The following CBFA2T3 variants were observed in gnomAD, a reference collection of about 807,000 sequenced individuals.
CBFA2T3 encodes CBFA2/RUNX1 partner transcriptional co-repressor 3.
Under a neutral mutation model 58.6 loss-of-function variants are expected in CBFA2T3, and 31 were observed. The ratio of observed to expected loss-of-function variants is 0.53; its 90% CI spans 0.40 to 0.71. CBFA2T3 has a LOEUF of 0.71. CBFA2T3 is among the 30% of genes least tolerant of loss of function. CBFA2T3 has a pLI of 0.00. For synonymous variants in CBFA2T3, 531 were observed against 421.9 expected, an observed-to-expected ratio of 1.26 and a Z score of -3.17; for missense variants, 1,076 against 963.1, an observed-to-expected ratio of 1.12 and a Z score of -1.55.
At chr16:88,899,793 T>C (rs1970030003) in intron 2 of CBFA2T3, among the ~76,000 whole-genome samples, 1 of 152,214 alleles carries the variant, frequency 6.6e-6, no homozygotes, top group African/African-American at 2.4e-5. Flanking sequence ...TTTTAGGCAC[T>C]GCGCCCATGG....
intron 1 of CBFA2T3, among the ~76,000 whole-genome samples, chr16:88,956,364 C>G (rs981438853): frequency 1.3e-5 from 2 of 152,282 alleles, no homozygotes; most frequent in African/African-American, 4.8e-5. Flanking sequence ...CCCCGGGACA[C>G]AGCGTGTCCG....
rs202059577 is a variant in CBFA2T3 at position 88,894,478 on chromosome 16, GCA to G, written c.380-1995_380-1994del. Among the ~76,000 whole-genome samples the G allele has an allele frequency of 5.0e-3, 554 of 110,276 alleles. 67 individuals are homozygous for G. Among genetic ancestry groups the G allele is most frequent in the East Asian group, 0.029 (75 of 2,630 alleles). The allele number at this position is 110,276 out of a possible 152,430, so 72.3% of individuals were successfully genotyped here. ...CGCACACATGCATACATATACACAT[GCA>G]CACAATGTACACACATGCACACACA... On this transcript the variant is annotated intron_variant, in intron 3 of 11. Transcript: ENST00000268679.
At chr16:88,934,137 G>A (rs1971411945) in intron 1 of CBFA2T3, among the ~76,000 whole-genome samples, 2 of 152,222 alleles carry the variant, frequency 1.3e-5, no homozygotes. Flanking sequence ...AAGCTCCCTT[G>A]GGAGAGGCCG....
intron 1 of CBFA2T3, among the ~76,000 whole-genome samples, chr16:88,963,297 G>A (rs1166411502): frequency 1.4e-4 from 21 of 150,820 alleles, no homozygotes; most frequent in Non-Finnish European, 4.4e-5. Flanking sequence ...AGGGGTGGGC[G>A]CTCATCTTCT....
At chr16:88,972,595 G>A (rs1972682166) in intron 1 of CBFA2T3, among the ~76,000 whole-genome samples, 1 of 152,178 alleles carries the variant, frequency 6.6e-6, no homozygotes, top group Non-Finnish European at 1.5e-5. Flanking sequence ...GCTTCCCTCC[G>A]AGCCTGGGGC....
At chr16:88,880,428 C>T (rs1049246534) in intron 10 of CBFA2T3, among the ~76,000 whole-genome samples, 3 of 152,252 alleles carry the variant, frequency 2.0e-5, no homozygotes, top group African/African-American at 4.8e-5. Flanking sequence ...CGCGCCCAGG[C>T]TCCGAGTGTG....
chr16:88,928,024 G>A (rs1417317961), intron 1 of CBFA2T3, among the ~76,000 whole-genome samples: 3 of 152,286 alleles, frequency 2.0e-5, no homozygotes, highest in Non-Finnish European at 2.9e-5. Flanking sequence ...GGCACCCACC[G>A]CTGCTGACCG....
intron 1 of CBFA2T3, among the ~76,000 whole-genome samples, chr16:88,954,491 C>T (rs951696663): frequency 6.5e-5 from 9 of 138,342 alleles, no homozygotes; most frequent in African/African-American, 2.2e-4. Context: ...GGCTCCTGAC[C>T]CCGCCCAAGG....
rs761257705 is a variant in CBFA2T3 at position 88,972,818 on chromosome 16, C to T, written c.151+3839G>A. Among the ~76,000 whole-genome samples the T allele has an allele frequency of 2.8e-4, 42 of 152,164 alleles. 1 individual carries two copies. The highest frequency in any genetic ancestry group is 2.1e-4 in the South Asian group (1 of 4,822). ...GGTCAACAAAAGGGGGGACAGGAGG[C>T]GGGAGGTGAGGTCTGAGGGTGCTGG... is the stretch of plus-strand genomic sequence containing the variant. On this transcript the variant is annotated intron_variant, in intron 1 of 11. Transcript: ENST00000268679.
In CBFA2T3 at chr16:88,882,733, C is replaced by T. The variant is rs1969178703; in HGVS notation, c.1146G>A (p.Val382=). Residue 382 remains valine (V), a synonymous_variant, in exon 8 of 12, where the codon GTG becomes GTA. Transcript: ENST00000268679. The part of the protein sequence containing the change: ...LVVPGSRQEE[V]IDHKLTEREW... ...CACGCTCTGTGAGCTTGTGGTCGAT[C>T]ACTTCTTCCTGCCGGGACCCAGGCA... The T allele has an allele frequency of 6.3e-7, 1 of 1,588,360 alleles. No homozygotes were observed.
intron 1 of CBFA2T3, among the ~76,000 whole-genome samples, chr16:88,967,637 G>A (rs1246380871): frequency 6.6e-6 from 1 of 152,088 alleles, no homozygotes; most frequent in African/African-American, 2.4e-5. Context: ...AAAGAAGAGG[G>A]AAGGAAGGAG....
intron 1 of CBFA2T3, among the ~76,000 whole-genome samples, chr16:88,952,271 G>A (rs185991313): frequency 7.2e-4 from 110 of 152,322 alleles, no homozygotes; most frequent in African/African-American, 2.5e-3. Context: ...CAGGACACCC[G>A]GGGAGGCTGT....
In CBFA2T3 at chr16:88,877,256, C is replaced by T; in HGVS notation, c.1682G>A (p.Arg561Gln). Residue 561 changes from arginine (R) to glutamine (Q), a missense_variant, in exon 12 of 12, where the codon CGG becomes CAG. Coordinates refer to ENST00000268679, the MANE Select transcript of CBFA2T3 (RefSeq NM_005187.6). ...GCCGCTGCACGTCTCACTGGCTTTC[C>T]GCCCGCAGTTCCAGCAGCTCTGGGT... ...DSSESCWNCG[R>Q]KASETCSGCN... 1 of 1,550,972 alleles carries T rather than the reference C, an allele frequency of 6.4e-7. No homozygotes were observed. The highest frequency in any genetic ancestry group is 8.7e-7 in the Non-Finnish European group (1 of 1,147,822).
intron 1 of CBFA2T3, among the ~76,000 whole-genome samples, chr16:88,961,913 T>C (rs7203308): frequency 0.39 from 24,321 of 61,934 alleles, 3,074 homozygotes; most frequent in Middle Eastern, 0.45. Flanking sequence ...CGACCCTCAG[T>C]GCTGGGCATT....
chr16:88,892,373 G>A lies in CBFA2T3; in HGVS notation c.492C>T (p.His164=), dbSNP rs1567585450. ...TSSTASLSTQ[H]LPPACGARQL... ...GCCGGGCCCCGCAGGCTGGGGGCAG[G>A]TGCTGTGTGGACAAGGAGGCTGTGG... Residue 164 remains histidine (H), a synonymous_variant, in exon 4 of 12, where the codon CAC becomes CAT. Coordinates refer to ENST00000268679, the MANE Select transcript of CBFA2T3 (RefSeq NM_005187.6). The A allele has an allele frequency of 6.2e-7, 1 of 1,613,548 alleles. No individual in the cohort carries two copies. Among genetic ancestry groups the A allele is most frequent in the African/African-American group, 1.3e-5 (1 of 75,054 alleles).
chr16:88,898,925 G>C (rs573707006), intron 2 of CBFA2T3, among the ~76,000 whole-genome samples: 5 of 152,244 alleles, frequency 3.3e-5, no homozygotes, highest in African/African-American at 9.6e-5. Flanking sequence ...GCCACAGGAA[G>C]ACAGGCTCTA....
Position 88,886,200 on chromosome 16 carries a change from G to T in CBFA2T3, c.712-58C>A, listed in dbSNP as rs140973092. 255 of 1,326,774 alleles carry T rather than the reference G, an allele frequency of 1.9e-4. 2 individuals are homozygous for T. The African/African-American group carries it at 3.0e-3, about 15-fold the overall frequency. The allele number at this position is 1,326,774 out of a possible 1,614,324, so 82.2% of individuals were successfully genotyped here. A position where few individuals can be genotyped will look rare whatever the true frequency, so the allele number is the denominator to read the frequency against. On this transcript the variant is annotated intron_variant, in intron 5 of 11. Coordinates refer to ENST00000268679, the MANE Select transcript of CBFA2T3 (RefSeq NM_005187.6). Reference sequence around the variant, plus strand: ...TGCAGGGGTGCACAGCCCTGCTCAGGTCCGAGCAGAGGGGGCCTGGGCTGG... The same window carrying T: ...TGCAGGGGTGCACAGCCCTGCTCAGTTCCGAGCAGAGGGGGCCTGGGCTGG...
At chr16:88,926,411 C>A (rs1015553804) in intron 1 of CBFA2T3, among the ~76,000 whole-genome samples, 1 of 152,228 alleles carries the variant, frequency 6.6e-6, no homozygotes. Flanking sequence ...GTCCCAGCCT[C>A]GTCTCCAAAA....
chr16:88,939,989 A>AG (rs1971654594), intron 1 of CBFA2T3: 1 of 152,298 alleles, frequency 6.6e-6, no homozygotes, highest in Admixed American at 6.5e-5. Flanking sequence ...CTGCCCTGGG[A>AG]ACCTCCTGTT....
Sources: allele counts gnomAD v4.1 joint callset (sites outside exome capture counted in the v4.1 genomes callset), GRCh38; gene constraint gnomAD v4.1.1; transcripts MANE v1.5; gene names NCBI Gene and HGNC (gene_info 2026-07-23, HGNC 2026-07-21).